GON4L: variants seen among roughly 807,000 people sequenced by gnomAD.
GON4L encodes the protein gon-4 like.
GON4L carries 87 observed loss-of-function variants against 211.8 expected under a neutral mutation model. The observed-to-expected ratio is 0.41, with a 90% CI of 0.35 to 0.49. The LOEUF is 0.49. Ranked by LOEUF, GON4L falls within the 20% of genes least tolerant of loss-of-function variation. The probability of loss-of-function intolerance (pLI) is 0.15; values close to 1 mark genes in which losing one functional copy is unlikely to be tolerated. For missense variants in GON4L, 2,155 were observed against 2,659.5 expected (o/e 0.81, Z 4.17); for synonymous variants, 875 against 962.6 (o/e 0.91, Z 1.68).
rs2102539803 is a variant in GON4L at position 155,857,153 on chromosome 1, C to G, written c.-33G>C. On this transcript the variant is annotated 5_prime_UTR_variant, in exon 1 of 32. Transcript: ENST00000368331. Reference sequence around the variant, plus strand: ...CACCCCACCACACACAAACCTGTACCCTCACCAGCCGGCCTGATTCCACGG... The same window carrying G: ...CACCCCACCACACACAAACCTGTACGCTCACCAGCCGGCCTGATTCCACGG... The G allele has an allele frequency of 6.6e-6, 1 of 152,644 alleles. No homozygotes were observed. Among genetic ancestry groups the G allele is most frequent in the African/African-American group, 2.4e-5 (1 of 41,570 alleles). 9.5% of individuals were successfully genotyped at this position (152,644 alleles called of 1,614,324 possible).
At chr1:155,754,975 T>C (rs1026764179) in intron 27 of GON4L, among the ~76,000 whole-genome samples, 7 of 147,730 alleles carry the variant, frequency 4.7e-5, no homozygotes, top group African/African-American at 7.5e-5. Context: ...GTCACATTCA[T>C]GGCTCACTGC....
chr1:155,748,774 A>C, downstream of GON4L: 1 of 1,613,402 alleles, frequency 6.2e-7, no homozygotes, highest in East Asian at 2.2e-5. Flanking sequence ...GTATAGACAG[A>C]GCATGCCACA....
At chr1:155,830,294 T>C (rs1557910200) in intron 2 of GON4L, among the ~76,000 whole-genome samples, 1 of 151,318 alleles carries the variant, frequency 6.6e-6, no homozygotes, top group Non-Finnish European at 1.5e-5. Context: ...TTTTTTTTCT[T>C]GAGACGGAGT....
Position 155,776,472 on chromosome 1 carries a change from G to C in GON4L, c.2101C>G (p.Leu701Val). 1 of 1,610,634 alleles carries C rather than the reference G, an allele frequency of 6.2e-7. No individual in the cohort carries two copies. The change falls in exon 16 of 32, where the codon CTC becomes GTC. Residue 701 changes from leucine to valine, a missense_variant. By Grantham distance (32) the Leu-to-Val change is conservative (BLOSUM62 1). Coordinates refer to ENST00000368331, the MANE Select transcript of GON4L (RefSeq NM_001282860.2). The stretch of plus-strand genomic sequence containing the variant: ...GCAAGAAGGTGGATTTGGGTCAAGA[G>C]CTGAACGTGCTGGGGATGGAAAGAA... ...LQQQMQQHVQLLTQIHLLATC... is the reference protein window; with the variant it reads ...LQQQMQQHVQVLTQIHLLATC...
intron 14 of GON4L, among the ~76,000 whole-genome samples, chr1:155,779,228 T>C (rs1233153483): frequency 7.8e-6 from 1 of 128,270 alleles, no homozygotes; most frequent in Non-Finnish European, 1.6e-5. Context: ...CACTCCAGCC[T>C]GGGCGACAGA....
intron 2 of GON4L, among the ~76,000 whole-genome samples, chr1:155,848,253 C>A (rs967023177): frequency 7.9e-5 from 12 of 152,120 alleles, no homozygotes; most frequent in Non-Finnish European, 1.8e-4. Flanking sequence ...TTGGGGTTCA[C>A]CTGCATAACT....
intron 11 of GON4L, among the ~76,000 whole-genome samples, chr1:155,802,222 T>C (rs1666734276): frequency 6.8e-6 from 1 of 147,746 alleles, no homozygotes; most frequent in Non-Finnish European, 1.5e-5. Flanking sequence ...GGTAGGAAAA[T>C]GAAGTGCCAA....
chr1:155,751,303 T>C (rs1176209702), intron 31 of GON4L, among the ~76,000 whole-genome samples: 1 of 152,050 alleles, frequency 6.6e-6, no homozygotes, highest in East Asian at 1.9e-4. Flanking sequence ...CCCAGCACTT[T>C]GGGAGGCTGA....
chr1:155,806,207 C>T (rs1667117930), intron 10 of GON4L, among the ~76,000 whole-genome samples: 1 of 150,162 alleles, frequency 6.7e-6, no homozygotes, highest in Admixed American at 6.7e-5. Context: ...TTCTGGAGTG[C>T]AGTGGTACGA....
At chr1:155,814,505 G>A (rs2102193301) in intron 8 of GON4L, 56 bp from the exon 9 acceptor site, 2 of 1,548,418 alleles carry the variant, frequency 1.3e-6, no homozygotes, top group South Asian at 1.1e-5. Flanking sequence ...ATTCCACAAA[G>A]TCTGAAGTAT....
chr1:155,801,112 CAAA>C (rs367752032), intron 11 of GON4L, among the ~76,000 whole-genome samples: 2 of 73,626 alleles, frequency 2.7e-5, no homozygotes, highest in Non-Finnish European at 2.4e-5. Context: ...TGCTGCTGCT[CAAA>C]AAAAAAAAAA....
chr1:155,836,611 T>C (rs1258548743), intron 2 of GON4L, among the ~76,000 whole-genome samples: 1 of 152,194 alleles, frequency 6.6e-6, no homozygotes, highest in East Asian at 1.9e-4. Context: ...CCTTTTCAAA[T>C]CAATCAGGAA....
chr1:155,748,617 G>A (rs2101579570), downstream of GON4L: 1 of 1,613,320 alleles, frequency 6.2e-7, no homozygotes, highest in Middle Eastern at 1.8e-4. Flanking sequence ...GGTGACAGCA[G>A]GAGCAATCAT....
chr1:155,765,829 A>G lies in GON4L; in HGVS notation c.3644T>C (p.Leu1215Pro). The G allele has an allele frequency of 6.2e-7, 1 of 1,614,202 alleles. No individual in the cohort carries two copies. Among genetic ancestry groups the G allele is most frequent in the Non-Finnish European group, 8.5e-7 (1 of 1,180,034 alleles). ...PLIVSGNSVN[L>P]PIPSTPEDKA... is the part of the protein sequence containing the mutation. ...ATCTTCAGGGGTGGATGGTATAGGA[A>G]GATTCACAGAATTGCCAGAAACAAT... Residue 1215 changes from leucine to proline, a missense_variant, in exon 21 of 32, where the codon CTT becomes CCT. Physicochemically the swap from Leu to Pro is moderately conservative, Grantham distance 98 (BLOSUM62 -3). Around this residue, in one of 6 missense-constraint regions of GON4L, gnomAD observed 615 missense variants for 625.7 expected, o/e 0.98. Transcript: ENST00000368331.
chr1:155,766,946 G>A (rs573822945), intron 20 of GON4L: 8 of 592,248 alleles, frequency 1.4e-5, no homozygotes, highest in Admixed American at 5.9e-5. Context: ...CTCAGGAGGC[G>A]GAGGCAGGAG....
chr1:155,822,754 G>A (rs769206142), intron 3 of GON4L, among the ~76,000 whole-genome samples: 43 of 152,168 alleles, frequency 2.8e-4, no homozygotes, highest in Non-Finnish European at 5.1e-4. Flanking sequence ...AATGTTCCAC[G>A]TTGGTTGTGG....
chr1:155,791,546 T>C (rs1411521996), intron 12 of GON4L, among the ~76,000 whole-genome samples: 2 of 150,156 alleles, frequency 1.3e-5, no homozygotes, highest in Non-Finnish European at 3.0e-5. Flanking sequence ...TGGGAATAAA[T>C]TGCTTTTTTT....
chr1:155,851,465 C>T (rs1671787607), intron 2 of GON4L, among the ~76,000 whole-genome samples: 1 of 151,862 alleles, frequency 6.6e-6, no homozygotes, highest in Non-Finnish European at 1.5e-5. Flanking sequence ...CCTGTAATCC[C>T]AGCACTTTGG....
intron 5 of GON4L, 98 bp downstream of exon 5, chr1:155,821,376 C>T (rs1179810043): frequency 1.3e-6 from 1 of 762,290 alleles, no homozygotes; most frequent in East Asian, 2.5e-5. Context: ...ACCCCAGCTG[C>T]CAAACTGTTT....
Sources: gnomAD v4.1 joint callset for allele counts (sites outside exome capture counted in the v4.1 genomes callset) on GRCh38, gnomAD v4.1.1 for gene constraint, gnomAD v4.1.1 regional missense constraint, MANE v1.5 for transcripts, NCBI Gene and HGNC (gene_info 2026-07-23, HGNC 2026-07-21) for gene names.